CLYBL: variants seen among roughly 807,000 people sequenced by gnomAD.
CLYBL encodes the protein citramalyl-CoA lyase, mitochondrial.
A neutral mutation model predicts 38.9 loss-of-function variants in CLYBL; 31 were observed. The ratio of observed to expected loss-of-function variants is 0.80; its 90% CI spans 0.60 to 1.08. The LOEUF is 1.08. Among genes scored for constraint, CLYBL ranks in the 50% least tolerant of loss-of-function variants. The pLI is 0.00. For missense variants in CLYBL, 434 were observed against 411.6 expected (o/e 1.05, Z -0.47); for synonymous variants, 171 against 158.6 (o/e 1.08, Z -0.59).
intron 9 of CLYBL, among the ~76,000 whole-genome samples, chr13:99,905,988 G>C (rs2052693889): frequency 6.6e-6 from 1 of 152,128 alleles, no homozygotes; most frequent in East Asian, 1.9e-4. Context: ...TGCCCAGTCT[G>C]TTCTTGAACT....
chr13:99,800,487 G>C (rs2050110363), intron 2 of CLYBL, among the ~76,000 whole-genome samples: 1 of 152,166 alleles, frequency 6.6e-6, no homozygotes, highest in Non-Finnish European at 1.5e-5. Context: ...CTGTCCTGAG[G>C]ATACTGCTTG....
chr13:99,830,453 G>C lies in CLYBL; in HGVS notation c.250-28408G>C, dbSNP rs148070540. ...GAAAGTGGCACCTAGAGCCAGCCAA[G>C]GACATAAAGATGGACTTGGAGACAC... is the stretch of plus-strand genomic sequence containing the variant. On this transcript the variant is annotated intron_variant, in intron 2 of 8. Coordinates refer to ENST00000339105, the MANE Select transcript of CLYBL (RefSeq NM_206808.5). Among the ~76,000 whole-genome samples, 40 of 152,332 alleles carry C rather than the reference G, an allele frequency of 2.6e-4. No individual in the cohort carries two copies. The East Asian group carries it at 7.5e-3, about 29-fold the overall frequency.
rs368796250 is a variant in CLYBL at position 99,648,790 on chromosome 13, A to AT, written c.62+42041dup. ...ATGTTAGCTACCTAGTGTCACTAGT[A>AT]TTTTTTTTATCTACACATCAAGGTA... On this transcript the variant is annotated intron_variant, in intron 1 of 8. Transcript: ENST00000339105. 3.9e-3 allele frequency among the ~76,000 whole-genome samples: 588 copies of AT among 151,914 alleles called. 6 individuals carry two copies. The highest frequency in any genetic ancestry group is 0.013 in the African/African-American group (553 of 41,426).
chr13:99,616,594 C>T (rs1453434369), intron 1 of CLYBL, among the ~76,000 whole-genome samples: 2 of 152,212 alleles, frequency 1.3e-5, no homozygotes, highest in Non-Finnish European at 2.9e-5. Flanking sequence ...CTCTTCTGAA[C>T]TACACCACAT....
chr13:99,748,998 G>T (rs888501844), intron 1 of CLYBL, among the ~76,000 whole-genome samples: 3 of 151,822 alleles, frequency 2.0e-5, no homozygotes, highest in Non-Finnish European at 4.4e-5. Context: ...GGACCACATG[G>T]TGAAACCCCA....
intron 2 of CLYBL, among the ~76,000 whole-genome samples, chr13:99,791,330 T>G (rs1328056178): frequency 1.3e-5 from 2 of 150,038 alleles, no homozygotes; most frequent in Non-Finnish European, 3.0e-5. Flanking sequence ...CTTTGTAAAC[T>G]CTGAAATGCT....
At chr13:99,612,365 A>G (rs2046638745) in intron 1 of CLYBL, among the ~76,000 whole-genome samples, 1 of 147,550 alleles carries the variant, frequency 6.8e-6, no homozygotes, top group South Asian at 2.1e-4. Flanking sequence ...AAATTTAGAT[A>G]ATTAATTTTA....
At chr13:99,886,310 T>C (rs1320018479) in intron 7 of CLYBL, among the ~76,000 whole-genome samples, 2 of 152,248 alleles carry the variant, frequency 1.3e-5, no homozygotes, top group Non-Finnish European at 2.9e-5. Context: ...GTACCAGAAA[T>C]GCAAAATATA....
chr13:99,708,139 C>T (rs574047270), intron 1 of CLYBL, among the ~76,000 whole-genome samples: 12 of 152,228 alleles, frequency 7.9e-5, no homozygotes, highest in East Asian at 1.9e-4. Context: ...CTACCACACC[C>T]GGCTAATTTT....
intron 1 of CLYBL, 101 bp downstream of exon 1, chr13:99,606,858 C>T (rs1419991701): frequency 7.8e-7 from 1 of 1,282,216 alleles, no homozygotes; most frequent in East Asian, 3.2e-5. Context: ...CAAGCCCTCA[C>T]GGGAACCCAG....
intron 2 of CLYBL, among the ~76,000 whole-genome samples, chr13:99,824,829 T>C (rs745935616): frequency 1.3e-5 from 2 of 152,216 alleles, no homozygotes; most frequent in Non-Finnish European, 2.9e-5. Flanking sequence ...TAATCCAAAG[T>C]TGGCTCCGCC....
chr13:99,833,936 G>A (rs374524581), intron 2 of CLYBL, among the ~76,000 whole-genome samples: 5 of 151,942 alleles, frequency 3.3e-5, no homozygotes, highest in Admixed American at 6.6e-5. Flanking sequence ...TCCTGATATC[G>A]TGATCTGCCC....
At chr13:99,824,261 C>CCCT (rs1555313220) in intron 2 of CLYBL, among the ~76,000 whole-genome samples, 1 of 115,372 alleles carries the variant, frequency 8.7e-6, no homozygotes, top group Non-Finnish European at 1.7e-5. Context: ...CTAATAGCCC[C>CCCT]CCCCACCCAC....
chr13:99,775,162 C>T (rs2049485131), intron 2 of CLYBL, among the ~76,000 whole-genome samples: 1 of 152,176 alleles, frequency 6.6e-6, no homozygotes, highest in South Asian at 2.1e-4. Context: ...CCCTGATAAA[C>T]TTCTAATTAT....
chr13:99,699,617 C>T (rs1375574800), intron 1 of CLYBL, among the ~76,000 whole-genome samples: 3 of 151,148 alleles, frequency 2.0e-5, no homozygotes, highest in African/African-American at 4.9e-5. Context: ...TGCTTGAACC[C>T]GGGAGGCGGA....
rs2051709729 is a variant in CLYBL at position 99,865,094 on chromosome 13, T to C, written c.634+183T>C. On this transcript the variant is annotated intron_variant, in intron 5 of 8. Transcript: ENST00000339105. The surrounding 1 kb of genome is among the most constrained non-coding windows in gnomAD (Gnocchi z 4.7). ...CTGATAATTTAGGGCTCCTCATAGC[T>C]GCCCTGCTTCTAGAGCACTGCATTA... 1.5e-6 allele frequency: 1 copy of C among 650,422 alleles called. No homozygotes were observed. The highest frequency in any genetic ancestry group is 2.1e-5 in the Admixed American group (1 of 47,810). The allele number at this position is 650,422 out of a possible 1,614,324, so 40.3% of individuals were successfully genotyped here.
chr13:99,772,937 T>C lies in CLYBL; in HGVS notation c.176T>C (p.Ile59Thr). The C allele has an allele frequency of 6.2e-7, 1 of 1,613,566 alleles. No individual in the cohort carries two copies. Among genetic ancestry groups the C allele is most frequent in the Non-Finnish European group, 8.5e-7 (1 of 1,179,896 alleles). The change falls in exon 2 of 9, where the codon ATA becomes ACA. Residue 59 changes from isoleucine (I) to threonine (T), a missense_variant. Ile to Thr is a moderately conservative substitution (Grantham distance 89). Coordinates refer to ENST00000339105, the MANE Select transcript of CLYBL (RefSeq NM_206808.5). ...LYVPGNDEKK[I>T]KKIPSLNVDC... The stretch of plus-strand genomic sequence containing the variant: ...GTACCTGGAAATGATGAAAAGAAAA[T>C]AAAGAAGATTCCATCCCTGAATGTA...
chr13:99,674,949 G>C (rs922091385), intron 1 of CLYBL, among the ~76,000 whole-genome samples: 1 of 152,172 alleles, frequency 6.6e-6, no homozygotes, highest in African/African-American at 2.4e-5. Context: ...TGCAAGGATG[G>C]CATGAGCCCA....
chr13:99,670,432 C>T (rs1304286217), intron 1 of CLYBL, among the ~76,000 whole-genome samples: 3 of 152,112 alleles, frequency 2.0e-5, no homozygotes, highest in African/African-American at 4.8e-5. Context: ...TGGAATTTCC[C>T]GTGGCAGTTT....
Sources: gnomAD v4.1 joint callset for allele counts (sites outside exome capture counted in the v4.1 genomes callset) on GRCh38, gnomAD v4.1.1 for gene constraint, Gnocchi (gnomAD v3.1) non-coding constraint, MANE v1.5 for transcripts, NCBI Gene and HGNC (gene_info 2026-07-23, HGNC 2026-07-21) for gene names.